The following LAMC1 variants were observed in gnomAD, a reference collection of about 807,000 sequenced individuals.
LAMC1 encodes the protein laminin subunit gamma 1.
In LAMC1, 38 loss-of-function variants were observed where a neutral mutation model predicts 173.6. That is an observed-to-expected ratio of 0.22 (90% CI 0.17 to 0.29). The LOEUF (loss-of-function observed/expected upper bound fraction) is 0.29, where lower values mean the gene tolerates loss of function less well. LAMC1 is among the 10% of genes least tolerant of loss of function. The pLI, the probability that LAMC1 is intolerant of heterozygous loss-of-function variation, is 1.00. For missense variants in LAMC1, 1,824 were observed against 2,051.8 expected (o/e 0.89, Z 2.14); for synonymous variants, 746 against 749.1 (o/e 1.00, Z 0.07).
chr1:183,125,981 A>C, intron 15 of LAMC1, 139 bp from the exon 16 acceptor site: 2 of 819,480 alleles, frequency 2.4e-6, no homozygotes, highest in Non-Finnish European at 3.8e-6. Context: ...ATAACCCTTA[A>C]CATTCCATCT....
At chr1:183,054,265 G>A (rs781565810) in intron 1 of LAMC1, among the ~76,000 whole-genome samples, 1 of 152,210 alleles carries the variant, frequency 6.6e-6, no homozygotes, top group Non-Finnish European at 1.5e-5. Context: ...CAGTGCGGAT[G>A]GAGCACTCTC....
chr1:183,083,007 G>C (rs12024522), intron 1 of LAMC1, among the ~76,000 whole-genome samples: 17,812 of 152,226 alleles, frequency 0.12, 1,177 homozygotes, highest in Admixed American at 0.2. Flanking sequence ...TGCTTCTGCT[G>C]TCTGTGATAC....
Position 183,121,919 on chromosome 1 carries a change from C to T in LAMC1, c.2187C>T (p.His729=), listed in dbSNP as rs781697226. 5.0e-6 allele frequency: 8 copies of T among 1,614,076 alleles called. No individual in the cohort carries two copies. In the African/African-American group the frequency reaches 1.1e-4, roughly 22 times the overall value. Residue 729 remains histidine, a synonymous_variant, in exon 12 of 28, where the codon CAC becomes CAT. Transcript: ENST00000258341. ...SPCVLCACNG[H]SETCDPETGV... Reference sequence around the variant, plus strand: ...GTGTGCTTTGCGCCTGCAATGGACACAGCGAGACCTGTGATCCTGAGACAG... The same window carrying T: ...GTGTGCTTTGCGCCTGCAATGGACATAGCGAGACCTGTGATCCTGAGACAG...
At chr1:183,094,538 A>T (rs1413712264) in intron 1 of LAMC1, among the ~76,000 whole-genome samples, 1 of 152,162 alleles carries the variant, frequency 6.6e-6, no homozygotes, top group Non-Finnish European at 1.5e-5. Context: ...GGACTGACAC[A>T]TAGTAGGTTT....
At chr1:183,036,568 A>AGG (rs1315324558) in intron 1 of LAMC1, among the ~76,000 whole-genome samples, 1 of 150,916 alleles carries the variant, frequency 6.6e-6, no homozygotes, top group African/African-American at 2.4e-5. Flanking sequence ...ACACCCAGCT[A>AGG]ATTTTTGTAT....
intron 2 of LAMC1, among the ~76,000 whole-genome samples, chr1:183,104,157 TAAAG>T (rs1655907102): frequency 6.6e-6 from 1 of 152,236 alleles, no homozygotes; most frequent in Admixed American, 6.5e-5. Flanking sequence ...TGCTGATCAT[TAAAG>T]AAACTCCTCA....
intron 1 of LAMC1, among the ~76,000 whole-genome samples, chr1:183,057,049 G>A (rs565886232): frequency 5.9e-5 from 9 of 152,298 alleles, no homozygotes; most frequent in African/African-American, 1.9e-4. Flanking sequence ...AAGAGTCTGC[G>A]CTTTCAGGGC....
intron 1 of LAMC1, among the ~76,000 whole-genome samples, chr1:183,026,198 TAAGTTAA>T (rs1323982398): frequency 6.6e-6 from 1 of 152,242 alleles, no homozygotes; most frequent in Admixed American, 6.5e-5. Flanking sequence ...TTAAAACTTG[TAAGTTAA>T]AAGTTAAAGT....
intron 26 of LAMC1, among the ~76,000 whole-genome samples, chr1:183,139,063 TA>T (rs1289286356): frequency 1.3e-5 from 2 of 151,788 alleles, no homozygotes; most frequent in Non-Finnish European, 1.5e-5. Flanking sequence ...AAAATTCCCA[TA>T]AAAAAAATAG....
chr1:183,060,601 G>A (rs1017660567), intron 1 of LAMC1, among the ~76,000 whole-genome samples: 1 of 152,084 alleles, frequency 6.6e-6, no homozygotes, highest in Non-Finnish European at 1.5e-5. Flanking sequence ...ACTACACTGT[G>A]TCCTAACGAT....
In LAMC1 at chr1:183,133,493, T is replaced by C; in HGVS notation, c.3792T>C (p.Ala1264=). Residue 1264 remains alanine (A), a synonymous_variant, in exon 22 of 28, where the codon GCT becomes GCC. Transcript: ENST00000258341. ...AGGCCAAAAGGGCCGGTGACAAAGCTGTGGAGATCTATGCCAGCGTGGCTC... is the reference window on the plus strand; with the variant it reads ...AGGCCAAAAGGGCCGGTGACAAAGCCGTGGAGATCTATGCCAGCGTGGCTC... ...HEEAKRAGDK[A]VEIYASVAQL... The C allele has an allele frequency of 6.2e-7, 1 of 1,614,084 alleles. No individual in the cohort carries two copies. Among genetic ancestry groups the C allele is most frequent in the East Asian group, 2.2e-5 (1 of 44,870 alleles).
At chr1:183,054,417 C>G (rs1654528509) in intron 1 of LAMC1, among the ~76,000 whole-genome samples, 1 of 152,160 alleles carries the variant, frequency 6.6e-6, no homozygotes. Context: ...GCCTTCTATA[C>G]AACGTGGCTG....
chr1:183,121,906 C>T lies in LAMC1; in HGVS notation c.2174C>T (p.Ala725Val), dbSNP rs758556370. The part of the protein sequence containing the change: ...LGPYSPCVLC[A>V]CNGHSETCDP... ...CCATACAGTCCATGTGTGCTTTGCG[C>T]CTGCAATGGACACAGCGAGACCTGT... Residue 725 changes from alanine (A) to valine (V), a missense_variant, in exon 12 of 28, where the codon GCC becomes GTC. Transcript: ENST00000258341. 2 of 1,614,068 alleles carry T rather than the reference C, an allele frequency of 1.2e-6. No homozygotes were observed. Among genetic ancestry groups the T allele is most frequent in the Admixed American group, 3.3e-5 (2 of 60,002 alleles).
chr1:183,028,961 CTTG>C (rs1300730660), intron 1 of LAMC1, among the ~76,000 whole-genome samples: 1 of 152,182 alleles, frequency 6.6e-6, no homozygotes, highest in East Asian at 1.9e-4. Flanking sequence ...AAATTCACTC[CTTG>C]TTGTCTCACC....
chr1:183,119,987 A>G (rs1050531747), intron 11 of LAMC1, among the ~76,000 whole-genome samples: 1 of 151,886 alleles, frequency 6.6e-6, no homozygotes, highest in Non-Finnish European at 1.5e-5. Context: ...CCTGGGCAAC[A>G]TAGCAAGATT....
chr1:183,026,594 T>G (rs1036348974), intron 1 of LAMC1, among the ~76,000 whole-genome samples: 5 of 152,206 alleles, frequency 3.3e-5, no homozygotes, highest in African/African-American at 1.2e-4. Flanking sequence ...CGTGACTGTT[T>G]TGTGCATCTA....
chr1:183,078,839 C>G (rs890545223), intron 1 of LAMC1, among the ~76,000 whole-genome samples: 1 of 151,994 alleles, frequency 6.6e-6, no homozygotes, highest in Non-Finnish European at 1.5e-5. Flanking sequence ...GGAGAAATCC[C>G]ATCTCTACTA....
chr1:183,094,574 G>C (rs1196657523), intron 1 of LAMC1, among the ~76,000 whole-genome samples: 1 of 152,164 alleles, frequency 6.6e-6, no homozygotes, highest in African/African-American at 2.4e-5. Flanking sequence ...TGAATGAATG[G>C]AAGAATTTGG....
intron 1 of LAMC1, among the ~76,000 whole-genome samples, chr1:183,061,762 C>T (rs1654751096): frequency 6.6e-6 from 1 of 152,158 alleles, no homozygotes; most frequent in Non-Finnish European, 1.5e-5. Flanking sequence ...GAGGTGAATA[C>T]ACACATGTAA....
Sources: gnomAD v4.1 joint callset for allele counts (sites outside exome capture counted in the v4.1 genomes callset) on GRCh38, gnomAD v4.1.1 for gene constraint, MANE v1.5 for transcripts, NCBI Gene and HGNC (gene_info 2026-07-23, HGNC 2026-07-21) for gene names.